GRAMD1C: variants seen among roughly 807,000 people sequenced by gnomAD.
The protein encoded by GRAMD1C is protein Aster-C.
In GRAMD1C, 89 loss-of-function variants were observed where a neutral mutation model predicts 97.8. The ratio of observed to expected loss-of-function variants is 0.91; its 90% confidence interval spans 0.77 to 1.09. GRAMD1C has a LOEUF of 1.09. Ranked by LOEUF, GRAMD1C falls within the 50% of genes least tolerant of loss-of-function variation. The pLI is 0.00. For missense variants in GRAMD1C, 740 were observed against 766.4 expected (o/e 0.97, Z 0.41); for synonymous variants, 256 against 267.0 (o/e 0.96, Z 0.40).
rs539330416 is a variant in GRAMD1C, at chr3:113,866,159, AATT to A, written c.175-3343_175-3341del. Among the ~76,000 whole-genome samples, 7 of 152,264 alleles carry A rather than the reference AATT, an allele frequency of 4.6e-5. No individual in the cohort carries two copies. The South Asian group carries it at 1.0e-3, about 23-fold the overall frequency. ...TGGTTTTCTGTGTAGTCATTCTATC[AATT>A]ATTAAGAATGGGATATTGATACCTC... On this transcript the variant is annotated intron_variant, in intron 2 of 17. Coordinates refer to ENST00000358160, the MANE Select transcript of GRAMD1C (RefSeq NM_017577.5).
upstream of GRAMD1C, chr3:113,838,782 G>A: frequency 1.8e-6 from 1 of 549,704 alleles, no homozygotes; most frequent in Non-Finnish European, 2.7e-6. Context: ...AGCTGCGGCT[G>A]GAAGTACTCG....
upstream of GRAMD1C, among the ~76,000 whole-genome samples, chr3:113,834,854 C>T (rs891027364): frequency 6.7e-6 from 1 of 149,804 alleles, no homozygotes; most frequent in Non-Finnish European, 1.5e-5. Flanking sequence ...ACAGGAGAAT[C>T]GCTTGAACAC....
chr3:113,916,375 T>C (rs1936810626), intron 10 of GRAMD1C, among the ~76,000 whole-genome samples: 1 of 152,182 alleles, frequency 6.6e-6, no homozygotes, highest in African/African-American at 2.4e-5. Flanking sequence ...ATAGAATGGG[T>C]GAATAGATTG....
chr3:113,843,902 T>C (rs2108070841), intron 1 of GRAMD1C, among the ~76,000 whole-genome samples: 1 of 152,400 alleles, frequency 6.6e-6, no homozygotes, highest in Admixed American at 6.5e-5. Flanking sequence ...ATTAAATTGC[T>C]GCATTGCAGT....
At chr3:113,920,866 A>G (rs1335806788) in intron 10 of GRAMD1C, among the ~76,000 whole-genome samples, 2 of 152,120 alleles carry the variant, frequency 1.3e-5, no homozygotes, top group East Asian at 1.9e-4. Context: ...TTTTAAATCT[A>G]TATTCTTTTA....
intron 2 of GRAMD1C, among the ~76,000 whole-genome samples, chr3:113,867,685 C>G (rs1164717281): frequency 1.3e-5 from 2 of 152,134 alleles, no homozygotes; most frequent in Non-Finnish European, 2.9e-5. Context: ...TGTTTTTCAA[C>G]TGTATGTGAT....
upstream of GRAMD1C, among the ~76,000 whole-genome samples, chr3:113,836,598 T>C (rs1344691229): frequency 6.6e-6 from 1 of 151,826 alleles, no homozygotes; most frequent in East Asian, 1.9e-4. Context: ...TTTTCTAATA[T>C]TAAAGACACC....
intron 10 of GRAMD1C, among the ~76,000 whole-genome samples, chr3:113,926,122 G>A (rs1937223260): frequency 6.6e-6 from 1 of 152,208 alleles, no homozygotes; most frequent in Admixed American, 6.5e-5. Flanking sequence ...GGAAGTTTTT[G>A]TGGATGATAT....
intron 3 of GRAMD1C, among the ~76,000 whole-genome samples, chr3:113,872,577 T>A (rs1169226554): frequency 2.0e-5 from 3 of 151,140 alleles, no homozygotes; most frequent in Non-Finnish European, 4.4e-5. Context: ...GTATTTTTAG[T>A]AGAGATGAGG....
chr3:113,886,007 C>G lies in GRAMD1C; in HGVS notation c.540+3175C>G, dbSNP rs1208481098. ...ACGTTCATTCTGTGCTGAGCCGAAA[C>G]CTTCACCAACATCGGCTCTGGTGAC... On this transcript the variant is annotated intron_variant, in intron 6 of 17. Transcript: ENST00000358160. 1.9e-6 allele frequency: 3 copies of G among 1,584,956 alleles called. No homozygotes were observed. In the Admixed American group the frequency reaches 5.0e-5, roughly 27 times the overall value.
At chr3:113,844,807 C>T (rs1390200447) in intron 2 of GRAMD1C, 158 bp downstream of exon 2, 2 of 559,056 alleles carry the variant, frequency 3.6e-6, no homozygotes, top group East Asian at 3.1e-5. Context: ...TGATTATTCT[C>T]TCCTTTGACC....
chr3:113,872,555 C>T (rs560622683), intron 3 of GRAMD1C, among the ~76,000 whole-genome samples: 3 of 150,870 alleles, frequency 2.0e-5, no homozygotes, highest in South Asian at 4.2e-4. Flanking sequence ...CCACCACGTC[C>T]GGTTAATTTT....
chr3:113,887,886 C>A (rs946964844), intron 6 of GRAMD1C, among the ~76,000 whole-genome samples: 1 of 151,640 alleles, frequency 6.6e-6, no homozygotes, highest in South Asian at 2.1e-4. Flanking sequence ...AAATTATTTA[C>A]CCTAAATGAA....
intron 8 of GRAMD1C, among the ~76,000 whole-genome samples, chr3:113,906,596 G>T (rs981221188): frequency 6.6e-6 from 1 of 152,048 alleles, no homozygotes; most frequent in African/African-American, 2.4e-5. Flanking sequence ...TTAAAAAAAA[G>T]TTCATAAAAT....
intron 6 of GRAMD1C, among the ~76,000 whole-genome samples, chr3:113,889,302 T>G (rs1174656141): frequency 6.6e-6 from 1 of 152,226 alleles, no homozygotes; most frequent in Non-Finnish European, 1.5e-5. Context: ...AACATAATGC[T>G]AAGTGAAAGA....
At chr3:113,936,648 A>G (rs1937583835) in intron 14 of GRAMD1C, 2 of 406,626 alleles carry the variant, frequency 4.9e-6, no homozygotes, top group Non-Finnish European at 8.6e-6. Flanking sequence ...TATAACCAAT[A>G]TATTTTATTT....
intron 1 of GRAMD1C, 68 bp from the exon 2 acceptor site, chr3:113,844,435 T>G: frequency 9.5e-7 from 1 of 1,053,466 alleles, no homozygotes; most frequent in Non-Finnish European, 1.5e-6. Context: ...TTGTGAACAT[T>G]AACTTTTTTC....
intron 1 of GRAMD1C, among the ~76,000 whole-genome samples, chr3:113,842,517 C>T (rs1933375412): frequency 6.6e-6 from 1 of 151,858 alleles, no homozygotes; most frequent in African/African-American, 2.4e-5. Context: ...TGGTTTCTCC[C>T]TCTCTTTTTG....
chr3:113,850,468 G>T, intron 2 of GRAMD1C: 2 of 1,467,502 alleles, frequency 1.4e-6, no homozygotes, highest in Non-Finnish European at 1.9e-6. Flanking sequence ...TGGCAGCACA[G>T]TCTCCGGGGC....
Sources: gnomAD v4.1 joint callset for allele counts (sites outside exome capture counted in the v4.1 genomes callset) on GRCh38, gnomAD v4.1.1 for gene constraint, MANE v1.5 for transcripts, NCBI Gene and HGNC (gene_info 2026-07-23, HGNC 2026-07-21) for gene names.